The following PLEKHM2 variants were observed in gnomAD, a reference collection of about 807,000 sequenced individuals.
PLEKHM2 encodes the protein pleckstrin homology and RUN domain containing M2.
A neutral mutation model predicts 116.3 loss-of-function variants in PLEKHM2; 77 were observed. That is an observed-to-expected ratio of 0.66 (90% CI 0.55 to 0.80). The LOEUF (loss-of-function observed/expected upper bound fraction) is 0.80. Among genes scored for constraint, PLEKHM2 ranks in the 30% least tolerant of loss-of-function variants. PLEKHM2 has a pLI of 0.00. For synonymous variants in PLEKHM2, 562 were observed against 571.0 expected (o/e 0.98, Z 0.22); for missense variants, 1,183 against 1,354.9 (o/e 0.87, Z 1.99).
At position 15,732,022 on chromosome 1, in the gene PLEKHM2, C is replaced by T. The variant is rs775111856; in HGVS notation, c.2599C>T (p.His867Tyr). The change falls in exon 17 of 20, where the codon CAT becomes TAT. Residue 867 changes from histidine (H) to tyrosine (Y), a missense_variant. By Grantham distance (83) the His-to-Tyr change is moderately conservative (BLOSUM62 2). Coordinates refer to ENST00000375799, the MANE Select transcript of PLEKHM2 (RefSeq NM_015164.4). ...SEAEMAEWMQHLCQAVSKGVI... is the reference protein window; with the variant it reads ...SEAEMAEWMQYLCQAVSKGVI... ...GGCCGAGATGGCCGAGTGGATGCAGCATCTCTGCCAGGCTGTGTCCAAAGG... is the reference window on the plus strand; with the variant it reads ...GGCCGAGATGGCCGAGTGGATGCAGTATCTCTGCCAGGCTGTGTCCAAAGG... 8.1e-6 allele frequency: 13 copies of T among 1,612,092 alleles called. No homozygotes were observed. The Middle Eastern group carries it at 1.3e-3, about 163-fold the overall frequency.
At chr1:15,726,039 C>G (rs1445958809) in intron 8 of PLEKHM2, among the ~76,000 whole-genome samples, 1 of 152,042 alleles carries the variant, frequency 6.6e-6, no homozygotes, top group Non-Finnish European at 1.5e-5. Context: ...GGGACACACA[C>G]ATTCACTCCA....
chr1:15,696,443 T>C (rs979878200), intron 1 of PLEKHM2, among the ~76,000 whole-genome samples: 1 of 152,156 alleles, frequency 6.6e-6, no homozygotes. Context: ...CTCCGTCTCC[T>C]GGGTTCAAGC....
At chr1:15,715,538 G>C (rs887792316) in intron 1 of PLEKHM2, among the ~76,000 whole-genome samples, 1 of 152,150 alleles carries the variant, frequency 6.6e-6, no homozygotes, top group Non-Finnish European at 1.5e-5. Context: ...CTACTCGGGA[G>C]GCTGAGGCAG....
At chr1:15,690,945 G>A (rs1465346493) in intron 1 of PLEKHM2, among the ~76,000 whole-genome samples, 1 of 152,236 alleles carries the variant, frequency 6.6e-6, no homozygotes, top group Non-Finnish European at 1.5e-5. Flanking sequence ...AGGCATTAAA[G>A]CAATGTGATA....
chr1:15,721,879 C>T lies in PLEKHM2; in HGVS notation c.712+491C>T, dbSNP rs181867133. Among the ~76,000 whole-genome samples, 339 of 152,320 alleles carry T rather than the reference C, an allele frequency of 2.2e-3. 1 individual carries two copies. The highest frequency in any genetic ancestry group is 7.8e-3 in the African/African-American group (325 of 41,558). On this transcript the variant is annotated intron_variant, in intron 7 of 19. Transcript: ENST00000375799. This position sits in a 1 kb window ranked among gnomAD's most constrained non-coding sequence, Gnocchi z 5.1. ...GGTTGAGGTCCAAGTCAGGAAACTG[C>T]CCAGGTACAGCTGAAACTTCCTACA...
chr1:15,730,039 G>A (rs540500667), intron 14 of PLEKHM2, 110 bp downstream of exon 14: 3 of 251,498 alleles, frequency 1.2e-5, no homozygotes, highest in Non-Finnish European at 2.1e-5. Flanking sequence ...TTTCACAATC[G>A]CCTACCTGGG....
Position 15,719,820 on chromosome 1 carries a change from CT to C in PLEKHM2, c.553del (p.Ser185ArgfsTer71). 6.2e-7 allele frequency: 1 copy of C among 1,613,754 alleles called. No homozygotes were observed. Reference protein sequence around the residue: ...LLDFEDRLPSSVHGSDSLSLN... With the variant: ...LLDFEDRLPSXVHGSDSLSLN... ...TGGACTTTGAAGACCGCCTTCCCAG[CT>C]CGGTCCACGGCTCAGACAGTCTGTC... On this transcript the variant is annotated frameshift_variant, in exon 6 of 20. Transcript: ENST00000375799. LOFTEE classifies it high-confidence loss of function. This position sits in a 1 kb window ranked among gnomAD's most constrained non-coding sequence, Gnocchi z 4.1.
intron 8 of PLEKHM2, among the ~76,000 whole-genome samples, chr1:15,726,360 A>T (rs1301121036): frequency 6.6e-6 from 1 of 152,128 alleles, no homozygotes; most frequent in Non-Finnish European, 1.5e-5. Flanking sequence ...CTTCACACTG[A>T]CTAAGAGGAG....
chr1:15,696,352 G>A (rs1640996603), intron 1 of PLEKHM2, among the ~76,000 whole-genome samples: 1 of 152,022 alleles, frequency 6.6e-6, no homozygotes, highest in Non-Finnish European at 1.5e-5. Context: ...TGTTTTTATT[G>A]TTTTGTTTTG....
rs1033047702 is a variant in PLEKHM2 at position 15,726,833 on chromosome 1, G to A, written c.942-181G>A. Among the ~76,000 whole-genome samples the A allele has an allele frequency of 7.9e-5, 12 of 152,112 alleles. No homozygotes were observed. The East Asian group carries it at 2.1e-3, about 27-fold the overall frequency. On this transcript the variant is annotated intron_variant, in intron 8 of 19. Transcript: ENST00000375799. Reference sequence around the variant, plus strand: ...CCCCTGCCAGCAAAGGGGGTGCCTCGGGGCCTGAGCCACTGTTGTCCTCTG... The same window carrying A: ...CCCCTGCCAGCAAAGGGGGTGCCTCAGGGCCTGAGCCACTGTTGTCCTCTG...
chr1:15,724,885 G>T (rs1350887670), intron 7 of PLEKHM2, among the ~76,000 whole-genome samples: 1 of 152,140 alleles, frequency 6.6e-6, no homozygotes, highest in Non-Finnish European at 1.5e-5. Flanking sequence ...TAACGGGGCT[G>T]CTGGGTACCC....
At chr1:15,694,334 G>A (rs1434199253) in intron 1 of PLEKHM2, among the ~76,000 whole-genome samples, 1 of 151,746 alleles carries the variant, frequency 6.6e-6, no homozygotes, top group Non-Finnish European at 1.5e-5. Flanking sequence ...GAGCGACAGA[G>A]CGAGACTCCA....
chr1:15,707,099 C>G (rs560151897), intron 1 of PLEKHM2, among the ~76,000 whole-genome samples: 2 of 126,178 alleles, frequency 1.6e-5, no homozygotes, highest in Non-Finnish European at 3.1e-5. Context: ...AGACAAACTC[C>G]GTCTCAAAAA....
chr1:15,713,800 T>G (rs1018049192), intron 1 of PLEKHM2, among the ~76,000 whole-genome samples: 1 of 152,062 alleles, frequency 6.6e-6, no homozygotes, highest in Non-Finnish European at 1.5e-5. Flanking sequence ...TACGCCCGGC[T>G]AATTTTTTGC....
At chr1:15,716,648 C>A in intron 2 of PLEKHM2, 59 bp from the exon 3 acceptor site, 1 of 1,537,306 alleles carries the variant, frequency 6.5e-7, no homozygotes, top group Admixed American at 2.0e-5. Flanking sequence ...GACCAGCCGA[C>A]TGCAGCTTCC....
At chr1:15,712,893 T>G (rs931477331) in intron 1 of PLEKHM2, among the ~76,000 whole-genome samples, 1 of 151,980 alleles carries the variant, frequency 6.6e-6, no homozygotes, top group African/African-American at 2.4e-5. Context: ...CTCCACCTCC[T>G]AGGGTCAAGC....
intron 1 of PLEKHM2, among the ~76,000 whole-genome samples, chr1:15,702,784 G>A (rs915873335): frequency 6.5e-5 from 9 of 137,842 alleles, no homozygotes; most frequent in Non-Finnish European, 1.5e-5. Flanking sequence ...ACAGAGGTGT[G>A]ATCATGGCAC....
intron 4 of PLEKHM2, 73 bp downstream of exon 4, chr1:15,718,065 A>G: frequency 1.1e-6 from 1 of 935,910 alleles, no homozygotes; most frequent in South Asian, 1.4e-5. Context: ...GGCTCTTGTC[A>G]TGCAGACAGC....
At chr1:15,732,166 G>A in intron 17 of PLEKHM2, 118 bp downstream of exon 17, 2 of 1,052,246 alleles carry the variant, frequency 1.9e-6, no homozygotes, top group Non-Finnish European at 1.4e-6. Context: ...GACCTCCAGG[G>A]GGCAGCCCAG....
Sources: allele counts gnomAD v4.1 joint callset (sites outside exome capture counted in the v4.1 genomes callset), GRCh38; gene constraint gnomAD v4.1.1; non-coding constraint Gnocchi (gnomAD v3.1); transcripts MANE v1.5; gene names NCBI Gene and HGNC (gene_info 2026-07-23, HGNC 2026-07-21).